The following FHIT variants were observed in gnomAD, a reference collection of about 807,000 sequenced individuals.
FHIT encodes fragile histidine triad diadenosine triphosphatase.
A neutral mutation model predicts 17.9 loss-of-function variants in FHIT; 19 were observed. The ratio of observed to expected loss-of-function variants is 1.06; its 90% CI spans 0.74 to 1.56. The LOEUF is 1.56. FHIT is among the 40% of genes most tolerant of loss of function. FHIT has a pLI of 0.00. For missense variants in FHIT, 248 were observed against 189.2 expected (o/e 1.31, Z -1.82); for synonymous variants, 81 against 69.7 (o/e 1.16, Z -0.81).
At chr3:60,704,116 C>G (rs2041313859) in intron 4 of FHIT, among the ~76,000 whole-genome samples, 1 of 152,054 alleles carries the variant, frequency 6.6e-6, no homozygotes, top group South Asian at 2.1e-4. Flanking sequence ...CGACAGTCTT[C>G]CAAGAATAAA....
intron 3 of FHIT, among the ~76,000 whole-genome samples, chr3:60,943,716 G>A (rs1354020233): frequency 1.3e-5 from 2 of 152,122 alleles, no homozygotes; most frequent in Non-Finnish European, 2.9e-5. Flanking sequence ...ACCATAGCAA[G>A]CATTGCTGTA....
chr3:60,444,589 A>G (rs1348162995), intron 5 of FHIT, among the ~76,000 whole-genome samples: 25 of 152,250 alleles, frequency 1.6e-4, no homozygotes, highest in African/African-American at 5.5e-4. Flanking sequence ...GCAAACTATC[A>G]CAAGGACAAA....
intron 5 of FHIT, among the ~76,000 whole-genome samples, chr3:60,359,896 T>C (rs1699833235): frequency 1.3e-5 from 2 of 151,352 alleles, no homozygotes; most frequent in South Asian, 4.2e-4. Context: ...AAATGCAGGA[T>C]GTAGCAGAGA....
chr3:60,422,114 C>A (rs1702496234), intron 5 of FHIT, among the ~76,000 whole-genome samples: 1 of 152,128 alleles, frequency 6.6e-6, no homozygotes, highest in African/African-American at 2.4e-5. Flanking sequence ...ATCAAAATCT[C>A]AGCCTGGTTA....
intron 5 of FHIT, among the ~76,000 whole-genome samples, chr3:60,046,110 G>C (rs1701642082): frequency 6.6e-6 from 1 of 152,132 alleles, no homozygotes; most frequent in African/African-American, 2.4e-5. Flanking sequence ...AATACTTCTA[G>C]GCAGGCATTG....
chr3:60,781,657 C>A (rs189475074), intron 4 of FHIT, among the ~76,000 whole-genome samples: 1 of 152,082 alleles, frequency 6.6e-6, no homozygotes, highest in Non-Finnish European at 1.5e-5. Context: ...CTCTACTTTG[C>A]TAAGTCTATT....
At position 60,478,187 on chromosome 3, in the gene FHIT, T is replaced by G. The variant is rs561441843; in HGVS notation, c.103+58673A>C. Among the ~76,000 whole-genome samples the G allele has an allele frequency of 7.0e-4, 107 of 152,278 alleles. 1 individual carries two copies. The highest frequency in any genetic ancestry group is 2.4e-3 in the African/African-American group (101 of 41,564). ...CTTCCAATAATCAGCAGTAACCTTA[T>G]GCATCCCACTTACAGATGAAGAAAT... On this transcript the variant is annotated intron_variant, in intron 5 of 9. Coordinates refer to ENST00000492590, the MANE Select transcript of FHIT (RefSeq NM_002012.4).
intron 2 of FHIT, among the ~76,000 whole-genome samples, chr3:61,055,824 A>T (rs533337027): frequency 1.3e-5 from 2 of 151,992 alleles, no homozygotes; most frequent in South Asian, 4.2e-4. Flanking sequence ...AAGTGGGGGT[A>T]TTTTTTTTAA....
chr3:60,393,943 C>T (rs1358432316), intron 5 of FHIT, among the ~76,000 whole-genome samples: 7 of 152,124 alleles, frequency 4.6e-5, no homozygotes, highest in African/African-American at 1.7e-4. Context: ...CTTTTGTTCC[C>T]AGCTTGGATT....
chr3:60,901,025 C>T (rs1460138210), intron 3 of FHIT, among the ~76,000 whole-genome samples: 1 of 152,162 alleles, frequency 6.6e-6, no homozygotes, highest in Non-Finnish European at 1.5e-5. Context: ...GTTTTCAAAA[C>T]TTACTTCTTT....
intron 5 of FHIT, among the ~76,000 whole-genome samples, chr3:60,372,982 G>C (rs1479603846): frequency 1.3e-5 from 2 of 152,084 alleles, no homozygotes; most frequent in African/African-American, 2.4e-5. Flanking sequence ...TTCTGTTCTA[G>C]AGCCTACCAA....
rs370367262 is a variant in FHIT, at chr3:59,850,352, C to T, written c.348+71994G>A. Among the ~76,000 whole-genome samples, 19 of 152,262 alleles carry T rather than the reference C, an allele frequency of 1.2e-4. No homozygotes were observed. In the East Asian group the frequency reaches 3.7e-3, roughly 29 times the overall value. Reference sequence around the variant, plus strand: ...TTCCTAATTTGCAGCTGCATAAGTACTATGTTGGGCCCAAAGCTTTGGGTA... The same window carrying T: ...TTCCTAATTTGCAGCTGCATAAGTATTATGTTGGGCCCAAAGCTTTGGGTA... On this transcript the variant is annotated intron_variant, in intron 8 of 9. Coordinates refer to ENST00000492590, the MANE Select transcript of FHIT (RefSeq NM_002012.4).
intron 5 of FHIT, among the ~76,000 whole-genome samples, chr3:60,416,730 T>G (rs2107245948): frequency 6.6e-6 from 1 of 152,272 alleles, no homozygotes; most frequent in African/African-American, 2.4e-5. Context: ...ACTGCTACCT[T>G]AGAGTGATAC....
At chr3:61,212,671 G>A (rs577598392) in intron 1 of FHIT, among the ~76,000 whole-genome samples, 32 of 152,190 alleles carry the variant, frequency 2.1e-4, no homozygotes, top group Admixed American at 7.9e-4. Flanking sequence ...GATACTCCTC[G>A]AGAAGGGCAA....
At chr3:60,031,343 A>C (rs932551535) in intron 5 of FHIT, among the ~76,000 whole-genome samples, 3 of 152,178 alleles carry the variant, frequency 2.0e-5, no homozygotes, top group African/African-American at 4.8e-5. Context: ...AGAAAAGAGA[A>C]ATGAGGAAAC....
At chr3:60,340,102 C>G (rs982932137) in intron 5 of FHIT, among the ~76,000 whole-genome samples, 2 of 152,008 alleles carry the variant, frequency 1.3e-5, no homozygotes, top group African/African-American at 4.8e-5. Context: ...TCTCTGAACT[C>G]AGTTGTTCCA....
chr3:60,378,241 T>C (rs9863279), intron 5 of FHIT, among the ~76,000 whole-genome samples: 93,043 of 151,568 alleles, frequency 0.61, 28,695 homozygotes, highest in Non-Finnish European at 0.65. Flanking sequence ...CACAGGATGA[T>C]CTCGATCTCC....
At chr3:59,918,900 A>G (rs777380600) in intron 8 of FHIT, among the ~76,000 whole-genome samples, 1 of 152,244 alleles carries the variant, frequency 6.6e-6, no homozygotes, top group African/African-American at 2.4e-5. Flanking sequence ...GCAAAGCCCA[A>G]GGACCATCAA....
At chr3:60,173,919 T>TATATATATATA (rs1559698680) in intron 5 of FHIT, among the ~76,000 whole-genome samples, 1 of 17,252 alleles carries the variant, frequency 5.8e-5, no homozygotes, top group African/African-American at 2.8e-4. Context: ...ATATATATGT[T>TATATATATATA]TTTTTTTTTT....
Sources: gnomAD v4.1 joint callset for allele counts (sites outside exome capture counted in the v4.1 genomes callset) on GRCh38, gnomAD v4.1.1 for gene constraint, MANE v1.5 for transcripts, NCBI Gene and HGNC (gene_info 2026-07-23, HGNC 2026-07-21) for gene names.